MINDY3: variants seen among roughly 807,000 people sequenced by gnomAD.
MINDY3 encodes the protein ubiquitin carboxyl-terminal hydrolase MINDY-3.
Under a neutral mutation model 69.2 loss-of-function variants are expected in MINDY3, and 38 were observed. The observed-to-expected ratio is 0.55, with a 90% CI of 0.42 to 0.72. The LOEUF (loss-of-function observed/expected upper bound fraction) is 0.72. Among genes scored for constraint, MINDY3 ranks in the 30% least tolerant of loss-of-function variants. The pLI is 0.00. For synonymous variants in MINDY3, 192 were observed against 180.1 expected (o/e 1.07, Z -0.53); for missense variants, 522 against 519.0 (o/e 1.01, Z -0.06).
chr10:15,789,559 G>C (rs989794037), intron 11 of MINDY3, among the ~76,000 whole-genome samples: 2 of 152,082 alleles, frequency 1.3e-5, no homozygotes, highest in Non-Finnish European at 2.9e-5. Context: ...TCCGACGAAA[G>C]CTTAAAGTCA....
At chr10:15,837,506 T>C in intron 5 of MINDY3, 188 bp from the exon 6 acceptor site, 3 of 1,416,250 alleles carry the variant, frequency 2.1e-6, no homozygotes, top group Non-Finnish European at 2.9e-6. Flanking sequence ...CAACTATCAC[T>C]ATATATGATA....
chr10:15,832,104 A>T (rs918400154), intron 8 of MINDY3, among the ~76,000 whole-genome samples: 3 of 152,104 alleles, frequency 2.0e-5, no homozygotes, highest in African/African-American at 7.2e-5. Context: ...TGGTTTGGGG[A>T]CTAGGGTAAG....
chr10:15,816,996 G>C, intron 9 of MINDY3, 81 bp from the exon 10 acceptor site: 1 of 1,020,850 alleles, frequency 9.8e-7, no homozygotes, highest in East Asian at 2.5e-5. Context: ...AATATCTGAA[G>C]CATAAAGTGT....
intron 11 of MINDY3, among the ~76,000 whole-genome samples, chr10:15,792,282 C>T (rs917981600): frequency 2.6e-5 from 4 of 151,994 alleles, no homozygotes; most frequent in African/African-American, 7.2e-5. Context: ...TTCTGGAGGG[C>T]AGGGAGTCCA....
Position 15,860,293 on chromosome 10 carries a change from C to G in MINDY3, c.7G>C (p.Glu3Gln), listed in dbSNP as rs1835005538. The G allele has an allele frequency of 1.2e-6, 2 of 1,603,752 alleles. No individual in the cohort carries two copies. Among genetic ancestry groups the G allele is most frequent in the Non-Finnish European group, 1.7e-6 (2 of 1,175,038 alleles). ...AGCTCCATCAGCTCTTTAGTCAGTTCGGACATGATGAGGAACCGGCGGGCG... is the reference window on the plus strand; with the variant it reads ...AGCTCCATCAGCTCTTTAGTCAGTTGGGACATGATGAGGAACCGGCGGGCG... MSELTKELMELVW... is the reference protein window; with the variant it reads MSQLTKELMELVW... Residue 3 changes from glutamate to glutamine, a missense_variant, in exon 1 of 15, where the codon GAA becomes CAA. Physicochemically the swap from Glu to Gln is conservative, Grantham distance 29. Coordinates refer to ENST00000277632, the MANE Select transcript of MINDY3 (RefSeq NM_024948.4).
chr10:15,829,090 T>G (rs1415010138), intron 8 of MINDY3, among the ~76,000 whole-genome samples: 2 of 152,108 alleles, frequency 1.3e-5, no homozygotes, highest in Non-Finnish European at 1.5e-5. Flanking sequence ...AGCAAGAACA[T>G]GTACACAAAG....
intron 10 of MINDY3, among the ~76,000 whole-genome samples, chr10:15,810,318 C>T (rs1588561470): frequency 6.6e-6 from 1 of 152,118 alleles, no homozygotes; most frequent in East Asian, 1.9e-4. Flanking sequence ...GGTTATTTCA[C>T]TGGACAGAAG....
chr10:15,836,639 G>C (rs1175886893), intron 6 of MINDY3, among the ~76,000 whole-genome samples: 2 of 151,490 alleles, frequency 1.3e-5, no homozygotes, highest in African/African-American at 4.8e-5. Context: ...GGACATATTG[G>C]AACTATTAAA....
chr10:15,790,795 C>A (rs539972358), intron 11 of MINDY3, among the ~76,000 whole-genome samples: 2 of 152,230 alleles, frequency 1.3e-5, no homozygotes. Flanking sequence ...TCCACGGTGT[C>A]ATATTGGCAC....
At position 15,831,690 on chromosome 10, in the gene MINDY3, T is replaced by C. The variant is rs1048104835; in HGVS notation, c.730+1940A>G. Among the ~76,000 whole-genome samples the C allele has an allele frequency of 1.5e-4, 22 of 150,106 alleles. No individual in the cohort carries two copies. In the East Asian group the frequency reaches 4.1e-3, roughly 28 times the overall value. Reference sequence around the variant, plus strand: ...CTCCTTTTCTTTTTTTTTTTTTTTTTTTTGAGATGGAGTCTCGCTCTATTG... The same window carrying C: ...CTCCTTTTCTTTTTTTTTTTTTTTTCTTTGAGATGGAGTCTCGCTCTATTG... On this transcript the variant is annotated intron_variant, in intron 8 of 14. Transcript: ENST00000277632.
intron 8 of MINDY3, among the ~76,000 whole-genome samples, chr10:15,824,500 A>G (rs1839964795): frequency 6.6e-6 from 1 of 152,200 alleles, no homozygotes; most frequent in Non-Finnish European, 1.5e-5. Context: ...AAAGGGCATG[A>G]GATTAAAAGG....
intron 10 of MINDY3, among the ~76,000 whole-genome samples, chr10:15,803,023 C>T (rs536851809): frequency 6.6e-6 from 1 of 152,210 alleles, no homozygotes; most frequent in African/African-American, 2.4e-5. Flanking sequence ...TTCCACAAAT[C>T]AAAACCAGTA....
intron 11 of MINDY3, among the ~76,000 whole-genome samples, chr10:15,790,641 C>G (rs1748404474): frequency 6.6e-6 from 1 of 152,074 alleles, no homozygotes; most frequent in Non-Finnish European, 1.5e-5. Context: ...TAGGCTATAT[C>G]CATTTGATAT....
At chr10:15,783,434 G>A (rs920223291) in intron 13 of MINDY3, among the ~76,000 whole-genome samples, 1 of 152,048 alleles carries the variant, frequency 6.6e-6, no homozygotes, top group South Asian at 2.1e-4. Context: ...AAGATCTTTT[G>A]TTGGCCTTTT....
At chr10:15,858,262 G>A (rs1211406224) in intron 1 of MINDY3, among the ~76,000 whole-genome samples, 2 of 152,084 alleles carry the variant, frequency 1.3e-5, no homozygotes, top group Non-Finnish European at 2.9e-5. Context: ...AAAAAAGAAA[G>A]AAATCCTTTA....
At chr10:15,804,354 C>T (rs1838479355) in intron 10 of MINDY3, among the ~76,000 whole-genome samples, 1 of 152,104 alleles carries the variant, frequency 6.6e-6, no homozygotes, top group Non-Finnish European at 1.5e-5. Flanking sequence ...CACTATTCAC[C>T]ATAAACCTTT....
chr10:15,817,645 C>T (rs1333820481), intron 9 of MINDY3: 1 of 152,210 alleles, frequency 6.6e-6, no homozygotes, highest in Non-Finnish European at 1.5e-5. Context: ...GTTCACACCA[C>T]TCAATTCCAC....
chr10:15,832,813 T>C (rs567439679), intron 8 of MINDY3, among the ~76,000 whole-genome samples: 35 of 152,300 alleles, frequency 2.3e-4, no homozygotes, highest in Middle Eastern at 3.4e-3. Flanking sequence ...CATTTCTGAA[T>C]TTGAGAAAAA....
intron 11 of MINDY3, among the ~76,000 whole-genome samples, chr10:15,790,017 G>C (rs184282347): frequency 1.4e-4 from 22 of 152,146 alleles, no homozygotes; most frequent in African/African-American, 5.1e-4. Context: ...TAAATGTACA[G>C]TGCCCAATTT....
Sources: allele counts gnomAD v4.1 joint callset (sites outside exome capture counted in the v4.1 genomes callset), GRCh38; gene constraint gnomAD v4.1.1; transcripts MANE v1.5; gene names NCBI Gene and HGNC (gene_info 2026-07-23, HGNC 2026-07-21).